Variants in MAF observed in about 807,000 individuals in gnomAD.
The protein encoded by MAF is transcription factor Maf.
Under a neutral mutation model 22.0 loss-of-function variants are expected in MAF, and 10 were observed. That is an observed-to-expected ratio of 0.45 (90% CI 0.28 to 0.77). The LOEUF (loss-of-function observed/expected upper bound fraction) is 0.77. Ranked by LOEUF, MAF falls within the 30% of genes least tolerant of loss-of-function variation. The pLI is 0.12. For synonymous variants in MAF, 337 were observed against 255.8 expected, an observed-to-expected ratio of 1.32 and a Z score of -3.03; for missense variants, 544 against 548.4, an observed-to-expected ratio of 0.99 and a Z score of 0.08.
chr16:79,255,013 G>A, the MAF span, among the ~76,000 whole-genome samples: 2 of 152,176 alleles, frequency 1.3e-5, no homozygotes, highest in African/African-American at 4.8e-5. Flanking sequence ...AAAGCCTTCA[G>A]GAGAGCAAGC....
the MAF span, among the ~76,000 whole-genome samples, chr16:79,521,089 T>G: frequency 6.6e-6 from 1 of 152,166 alleles, no homozygotes; most frequent in Non-Finnish European, 1.5e-5. Flanking sequence ...AATAAAATAA[T>G]GAAGTAAAGC....
the MAF span, among the ~76,000 whole-genome samples, chr16:79,328,662 G>T: frequency 6.6e-6 from 1 of 152,154 alleles, no homozygotes; most frequent in Non-Finnish European, 1.5e-5. Flanking sequence ...TGTGATTTGG[G>T]AGTCTTTCAT....
the MAF span, among the ~76,000 whole-genome samples, chr16:79,356,809 C>T: frequency 6.6e-6 from 1 of 152,176 alleles, no homozygotes; most frequent in Non-Finnish European, 1.5e-5. Context: ...TGCTCTTGGG[C>T]CCCATAAATG....
the MAF span, among the ~76,000 whole-genome samples, chr16:79,525,980 C>T: frequency 6.6e-6 from 1 of 152,184 alleles, no homozygotes; most frequent in Admixed American, 6.5e-5. Context: ...CCTTAACCAG[C>T]CAACCTTCTG....
chr16:79,596,748 G>C, intron 1 of MAF: 2 of 1,045,206 alleles, frequency 1.9e-6, no homozygotes, highest in Non-Finnish European at 2.3e-6. Flanking sequence ...TTAAAACTGT[G>C]GATTTTTTTT....
the MAF span, among the ~76,000 whole-genome samples, chr16:79,387,489 TATTAC>T: frequency 1.9e-4 from 29 of 152,348 alleles, no homozygotes; most frequent in African/African-American, 6.0e-4. Flanking sequence ...GTCATCTTGG[TATTAC>T]TCTAAGTCTG....
the MAF span, among the ~76,000 whole-genome samples, chr16:79,219,456 CAGG>C: frequency 6.8e-6 from 1 of 147,226 alleles, no homozygotes; most frequent in Non-Finnish European, 1.5e-5. Context: ...GAGGCTGAGG[CAGG>C]AGAATGGCGT....
At chr16:79,208,146 A>G in the MAF span, among the ~76,000 whole-genome samples, 2 of 152,212 alleles carry the variant, frequency 1.3e-5, no homozygotes, top group Non-Finnish European at 2.9e-5. Flanking sequence ...GTAATTTTAC[A>G]TATACTCTCA....
At chr16:79,587,872 G>A (rs1021823875) in intron 1 of MAF, among the ~76,000 whole-genome samples, 8 of 130,988 alleles carry the variant, frequency 6.1e-5, no homozygotes, top group African/African-American at 2.4e-4. Flanking sequence ...TTTCAAAAGG[G>A]GGGGGGGGGT....
At chr16:79,368,405 G>T in the MAF span, among the ~76,000 whole-genome samples, 7 of 152,214 alleles carry the variant, frequency 4.6e-5, no homozygotes, top group African/African-American at 1.7e-4. Flanking sequence ...TAGAGCTCAT[G>T]TTCCACGGGT....
chr16:79,250,586 A>T, the MAF span, among the ~76,000 whole-genome samples: 18,659 of 152,148 alleles, frequency 0.12, 1,413 homozygotes, highest in Middle Eastern at 0.19. Flanking sequence ...GTGCTTGGGG[A>T]AGGCTCTACT....
the MAF span, among the ~76,000 whole-genome samples, chr16:79,496,244 G>T: frequency 6.6e-6 from 1 of 152,196 alleles, no homozygotes; most frequent in South Asian, 2.1e-4. Flanking sequence ...AGCAAAGAAA[G>T]AGAATAGGGA....
At chr16:79,362,307 CT>C in the MAF span, among the ~76,000 whole-genome samples, 1 of 152,268 alleles carries the variant, frequency 6.6e-6, no homozygotes, top group Admixed American at 6.5e-5. Context: ...GATGACTATG[CT>C]TTTTCAGGCT....
At chr16:79,301,201 G>C in the MAF span, among the ~76,000 whole-genome samples, 1 of 152,142 alleles carries the variant, frequency 6.6e-6, no homozygotes, top group Admixed American at 6.5e-5. Flanking sequence ...TTTCCTAACT[G>C]CATGAAGGAC....
the MAF span, among the ~76,000 whole-genome samples, chr16:79,348,642 G>A: frequency 9.5e-4 from 144 of 152,330 alleles, 2 homozygotes; most frequent in Admixed American, 1.9e-3. Context: ...AAACTCCAAC[G>A]ACGGGGAAAC....
At chr16:79,355,142 A>G in the MAF span, among the ~76,000 whole-genome samples, 2 of 152,208 alleles carry the variant, frequency 1.3e-5, no homozygotes, top group African/African-American at 4.8e-5. Context: ...TCCAAAGTCT[A>G]TCTTGCAGGA....
chr16:79,396,043 G>C, the MAF span, among the ~76,000 whole-genome samples: 1 of 152,150 alleles, frequency 6.6e-6, no homozygotes, highest in Non-Finnish European at 1.5e-5. Flanking sequence ...GGAGATACTG[G>C]TCATTTTCCT....
the MAF span, among the ~76,000 whole-genome samples, chr16:79,556,010 TGTTAGTTTAGTTTA>T: frequency 2.0e-5 from 2 of 99,228 alleles, no homozygotes; most frequent in Admixed American, 2.0e-4. Context: ...TAGTTTGTTT[TGTTAGTTTAGTTTA>T]GTTTAGTTTG....
chr16:79,231,140 T>C, the MAF span, among the ~76,000 whole-genome samples: 1 of 152,054 alleles, frequency 6.6e-6, no homozygotes, highest in African/African-American at 2.4e-5. Flanking sequence ...ACAGCCACGA[T>C]ACTGTCTCCA....
Sources: allele counts gnomAD v4.1 joint callset (sites outside exome capture counted in the v4.1 genomes callset), GRCh38; gene constraint gnomAD v4.1.1; transcripts MANE v1.5; gene names NCBI Gene and HGNC (gene_info 2026-07-23, HGNC 2026-07-21).